Variants in CD33 observed in about 807,000 individuals in gnomAD.
The protein encoded by CD33 is CD33 molecule.
A neutral mutation model predicts 31.4 loss-of-function variants in CD33; 25 were observed. That is an observed-to-expected ratio of 0.80 (90% CI 0.58 to 1.11). The LOEUF (loss-of-function observed/expected upper bound fraction) is 1.11, where lower values mean the gene tolerates loss of function less well. CD33 is among the 50% of genes most tolerant of loss of function. The probability of loss-of-function intolerance (pLI) is 0.00; values close to 1 mark genes in which losing one functional copy is unlikely to be tolerated. For missense variants in CD33, 407 were observed against 448.1 expected, an observed-to-expected ratio of 0.91 and a Z score of 0.83; for synonymous variants, 176 against 180.6, an observed-to-expected ratio of 0.97 and a Z score of 0.20.
chr19:51,214,491 A>C, the CD33 span, among the ~76,000 whole-genome samples: 35 of 151,792 alleles, frequency 2.3e-4, no homozygotes, highest in African/African-American at 7.7e-4. Context: ...CCACTGTGCC[A>C]GGCCTCATTT....
At chr19:51,236,190 G>T (rs562597669) in intron 6 of CD33, 1 of 316,886 alleles carries the variant, frequency 3.2e-6, no homozygotes, top group Admixed American at 4.1e-5. Flanking sequence ...CTTATTCACC[G>T]TTCCCGAGAG....
chr19:51,211,713 C>G, the CD33 span: 17 of 824,730 alleles, frequency 2.1e-5, no homozygotes, highest in African/African-American at 1.4e-4. Flanking sequence ...AGGGGAGGAC[C>G]CGGACCAGAA....
intron 6 of CD33, 170 bp from the exon 7 acceptor site, chr19:51,239,346 CAT>C (rs1242782421): frequency 3.9e-6 from 2 of 513,564 alleles, no homozygotes; most frequent in Non-Finnish European, 6.8e-6. Flanking sequence ...ATACGTGCTA[CAT>C]GTGTTAGATA....
chr19:51,224,558 C>G (rs1265660790), upstream of CD33, among the ~76,000 whole-genome samples: 6 of 152,152 alleles, frequency 3.9e-5, no homozygotes, highest in Non-Finnish European at 7.4e-5. Flanking sequence ...GACGGTGCTC[C>G]TGCTCTGTCA....
intron 6 of CD33, chr19:51,236,683 G>A (rs999574361): frequency 1.3e-5 from 2 of 152,272 alleles, no homozygotes; most frequent in African/African-American, 4.8e-5. Context: ...TCTCGCTGAT[G>A]GCACTCTTGT....
At chr19:51,233,641 T>A (rs1416744871) in intron 4 of CD33, among the ~76,000 whole-genome samples, 1 of 152,268 alleles carries the variant, frequency 6.6e-6, no homozygotes, top group Non-Finnish European at 1.5e-5. Flanking sequence ...GCTGTGTGAA[T>A]TCCTGGCAGC....
chr19:51,229,257 A>T (rs143330453), intron 4 of CD33, among the ~76,000 whole-genome samples: 369 of 152,180 alleles, frequency 2.4e-3, no homozygotes, highest in African/African-American at 8.5e-3. Flanking sequence ...TTATCATGGT[A>T]TGTTATCTTT....
intron 4 of CD33, among the ~76,000 whole-genome samples, chr19:51,232,427 G>A (rs775852770): frequency 7.9e-5 from 12 of 152,146 alleles, no homozygotes; most frequent in Non-Finnish European, 1.5e-4. Context: ...GAGCTTCCTG[G>A]ACCTGGATGT....
At chr19:51,230,331 A>G (rs1341288533) in intron 4 of CD33, among the ~76,000 whole-genome samples, 1 of 151,984 alleles carries the variant, frequency 6.6e-6, no homozygotes, top group Non-Finnish European at 1.5e-5. Context: ...AACCATGTGT[A>G]TTCTGCAGCT....
At chr19:51,216,217 C>T in the CD33 span, among the ~76,000 whole-genome samples, 1 of 122,438 alleles carries the variant, frequency 8.2e-6, no homozygotes. Flanking sequence ...TCTTAAATGT[C>T]ACCCGAGTGT....
At position 51,239,577 on chromosome 19, in the gene CD33, C is replaced by T. The variant is rs764658406; in HGVS notation, c.984C>T (p.Ala328=). 1.5e-5 allele frequency: 25 copies of T among 1,613,502 alleles called. No homozygotes were observed. The East Asian group carries it at 2.5e-4, about 16-fold the overall frequency. ...GPTETSSCSG[A]APTVEMDEEL... is the part of the protein sequence containing the mutation. ...CTGAAACCTCAAGCTGTTCAGGTGC[C>T]GCCCCTACTGTGGAGATGGATGAGG... Residue 328 remains alanine (A), a synonymous_variant, in exon 7 of 7, where the codon GCC becomes GCT. Coordinates refer to ENST00000262262, the MANE Select transcript of CD33 (RefSeq NM_001772.4).
In CD33 at chr19:51,225,341, C is replaced by G; in HGVS notation, c.161C>G (p.Ser54Cys). ...FHPIPYYDKN[S>C]PVHGYWFREG... ...CCCATACCCTACTACGACAAGAACT[C>G]CCCAGTTCATGGTTACTGGTTCCGG... is the stretch of plus-strand genomic sequence containing the variant. Residue 54 changes from serine to cysteine, a missense_variant, in exon 2 of 7, where the codon TCC becomes TGC. Ser to Cys is a moderately radical substitution (Grantham distance 112). Coordinates refer to ENST00000262262, the MANE Select transcript of CD33 (RefSeq NM_001772.4). 6.2e-7 allele frequency: 1 copy of G among 1,614,208 alleles called. No individual in the cohort carries two copies. Among genetic ancestry groups the G allele is most frequent in the Non-Finnish European group, 8.5e-7 (1 of 1,180,036 alleles).
chr19:51,234,330 T>C lies in CD33; in HGVS notation c.746-827T>C, dbSNP rs1981630096. ...TTTACATTAAAGTTCACTCTTGGTGTTGTACATTTTACAGGCTTTTTAAAA... is the reference window on the plus strand; with the variant it reads ...TTTACATTAAAGTTCACTCTTGGTGCTGTACATTTTACAGGCTTTTTAAAA... On this transcript the variant is annotated intron_variant, in intron 4 of 6. Transcript: ENST00000262262. Among the ~76,000 whole-genome samples, 3 of 152,196 alleles carry C rather than the reference T, an allele frequency of 2.0e-5. No homozygotes were observed. In the South Asian group the frequency reaches 6.2e-4, roughly 32 times the overall value.
chr19:51,218,320 G>T, the CD33 span, among the ~76,000 whole-genome samples: 1 of 152,182 alleles, frequency 6.6e-6, no homozygotes, highest in Non-Finnish European at 1.5e-5. Flanking sequence ...CCACTTGTAT[G>T]TCTTCTTTTG....
chr19:51,234,395 G>T (rs1981634481), intron 4 of CD33, among the ~76,000 whole-genome samples: 1 of 152,198 alleles, frequency 6.6e-6, no homozygotes, highest in Non-Finnish European at 1.5e-5. Context: ...GTATCATATA[G>T]AATAGTCACA....
At chr19:51,235,971 A>C (rs10409348) in intron 6 of CD33, 1 of 670,234 alleles carries the variant, frequency 1.5e-6, no homozygotes, top group Non-Finnish European at 2.7e-6. Context: ...ATCCTGGCTA[A>C]CATGGTGAAA....
chr19:51,224,238 C>A (rs1980832533), upstream of CD33, among the ~76,000 whole-genome samples: 1 of 152,094 alleles, frequency 6.6e-6, no homozygotes, highest in Non-Finnish European at 1.5e-5. Flanking sequence ...TGTGTCTGTA[C>A]CCATACATCT....
the CD33 span, chr19:51,211,271 G>T: frequency 9.4e-5 from 148 of 1,574,608 alleles, no homozygotes; most frequent in Non-Finnish European, 1.2e-4. Context: ...GTACAGGAGG[G>T]TTTGTGCGTC....
chr19:51,219,667 T>C, the CD33 span, among the ~76,000 whole-genome samples: 1 of 152,218 alleles, frequency 6.6e-6, no homozygotes, highest in African/African-American at 2.4e-5. Context: ...GGGTTTGTCA[T>C]AGATGGCTCT....
Sources: allele counts gnomAD v4.1 joint callset (sites outside exome capture counted in the v4.1 genomes callset), GRCh38; gene constraint gnomAD v4.1.1; transcripts MANE v1.5; gene names NCBI Gene and HGNC (gene_info 2026-07-23, HGNC 2026-07-21).